ZNF407: variants seen among roughly 807,000 people sequenced by gnomAD.
The protein encoded by ZNF407 is zinc finger protein 407.
In ZNF407, 17 loss-of-function variants were observed where a neutral mutation model predicts 131.2. That is an observed-to-expected ratio of 0.13 (90% confidence interval 0.09 to 0.19). The LOEUF (loss-of-function observed/expected upper bound fraction) is 0.19. Among genes scored for constraint, ZNF407 ranks in the 10% least tolerant of loss-of-function variants. ZNF407 has a pLI of 1.00. For missense variants in ZNF407, 2,681 were observed against 2,830.6 expected (o/e 0.95, Z 1.20); for synonymous variants, 1,156 against 1,062.0 (o/e 1.09, Z -1.72).
chr18:74,890,543 A>G (rs1025476586), intron 7 of ZNF407, among the ~76,000 whole-genome samples: 8 of 152,174 alleles, frequency 5.3e-5, no homozygotes, highest in African/African-American at 1.7e-4. Context: ...TTATCTTACA[A>G]CTGCTTTTCC....
intron 4 of ZNF407, among the ~76,000 whole-genome samples, chr18:74,833,565 A>G (rs1368546465): frequency 6.6e-6 from 1 of 152,218 alleles, no homozygotes; most frequent in Admixed American, 6.5e-5. Flanking sequence ...TTCCAGGCAC[A>G]GAAAGCAGAC....
At chr18:74,791,990 G>A (rs8086029) in intron 4 of ZNF407, among the ~76,000 whole-genome samples, 143,503 of 152,216 alleles carry the variant, frequency 0.94, 68,185 homozygotes, top group East Asian at 1. Context: ...GTTTTATGGA[G>A]CTTTATATGG....
chr18:74,994,108 G>A (rs952346020), intron 8 of ZNF407, among the ~76,000 whole-genome samples: 1 of 152,164 alleles, frequency 6.6e-6, no homozygotes, highest in Non-Finnish European at 1.5e-5. Flanking sequence ...GAATATTAGT[G>A]TATCATTTTT....
chr18:74,647,385 A>G (rs189381753), intron 3 of ZNF407, among the ~76,000 whole-genome samples: 11 of 152,290 alleles, frequency 7.2e-5, no homozygotes, highest in Admixed American at 2.0e-4. Flanking sequence ...TTGAGGCTAC[A>G]GTGAGCTATG....
intron 1 of ZNF407, among the ~76,000 whole-genome samples, chr18:74,628,421 C>G (rs138406649): frequency 2.0e-5 from 3 of 152,190 alleles, no homozygotes; most frequent in Non-Finnish European, 4.4e-5. Context: ...TACCCGCAGC[C>G]CTGAGAAACC....
intron 3 of ZNF407, among the ~76,000 whole-genome samples, chr18:74,669,216 C>T (rs948151238): frequency 2.0e-5 from 3 of 152,220 alleles, no homozygotes; most frequent in Non-Finnish European, 2.9e-5. Flanking sequence ...ACAGGTTTCT[C>T]ATTGGCTTTG....
At chr18:74,763,645 T>C (rs1328014438) in intron 3 of ZNF407, among the ~76,000 whole-genome samples, 1 of 151,852 alleles carries the variant, frequency 6.6e-6, no homozygotes, top group Non-Finnish European at 1.5e-5. Context: ...TAACATTTTT[T>C]TGTAGTCTTC....
intron 8 of ZNF407, among the ~76,000 whole-genome samples, chr18:75,045,917 T>C (rs1241737624): frequency 6.6e-6 from 1 of 152,222 alleles, no homozygotes; most frequent in African/African-American, 2.4e-5. Flanking sequence ...TGTTCTATTA[T>C]ATTTGTGTCA....
intron 1 of ZNF407, among the ~76,000 whole-genome samples, chr18:74,607,157 G>A (rs1982843082): frequency 6.6e-6 from 1 of 152,214 alleles, no homozygotes; most frequent in Non-Finnish European, 1.5e-5. Flanking sequence ...CTCCATTGGT[G>A]GTTCTCAATC....
At chr18:75,032,086 A>G (rs1207070543) in intron 8 of ZNF407, among the ~76,000 whole-genome samples, 2 of 152,208 alleles carry the variant, frequency 1.3e-5, no homozygotes, top group Non-Finnish European at 2.9e-5. Flanking sequence ...GACCAGCGGA[A>G]TCACACTCTA....
intron 3 of ZNF407, among the ~76,000 whole-genome samples, chr18:74,709,797 G>A (rs867419797): frequency 1.4e-4 from 22 of 152,284 alleles, no homozygotes; most frequent in South Asian, 1.0e-3. Flanking sequence ...AAAAGGGAAT[G>A]AACAGATATA....
chr18:74,883,748 G>A (rs182893984), intron 6 of ZNF407, among the ~76,000 whole-genome samples: 9 of 152,334 alleles, frequency 5.9e-5, no homozygotes, highest in Admixed American at 5.2e-4. Flanking sequence ...GCACTATGAC[G>A]ACAGCCCTTC....
chr18:74,921,227 C>T (rs910632339), intron 8 of ZNF407, among the ~76,000 whole-genome samples: 4 of 152,042 alleles, frequency 2.6e-5, no homozygotes, highest in South Asian at 2.1e-4. Context: ...GTGATGGGAG[C>T]GGCTGCTAAG....
At chr18:75,002,804 CAAAA>C (rs11337117) in intron 8 of ZNF407, among the ~76,000 whole-genome samples, 14 of 109,932 alleles carry the variant, frequency 1.3e-4, no homozygotes, top group Middle Eastern at 4.2e-3. Flanking sequence ...GACTCCGGCT[CAAAA>C]AAAAAAAAAA....
At chr18:74,716,116 A>G (rs1967888241) in intron 3 of ZNF407, among the ~76,000 whole-genome samples, 1 of 152,172 alleles carries the variant, frequency 6.6e-6, no homozygotes, top group Admixed American at 6.5e-5. Flanking sequence ...TTTCAAATAG[A>G]TATTTTGCTG....
At chr18:74,603,686 G>A (rs1982679231) in intron 1 of ZNF407, among the ~76,000 whole-genome samples, 1 of 152,138 alleles carries the variant, frequency 6.6e-6, no homozygotes, top group Non-Finnish European at 1.5e-5. Flanking sequence ...TTATTCTTAA[G>A]CATTTTTGTT....
At chr18:74,613,513 G>A (rs551664408) in intron 1 of ZNF407, among the ~76,000 whole-genome samples, 1 of 152,336 alleles carries the variant, frequency 6.6e-6, no homozygotes, top group East Asian at 1.9e-4. Context: ...GTAATGTCAT[G>A]CTTTCTAGTA....
chr18:75,001,298 T>A (rs939102763), intron 8 of ZNF407, among the ~76,000 whole-genome samples: 1 of 152,214 alleles, frequency 6.6e-6, no homozygotes, highest in Middle Eastern at 3.2e-3. Context: ...ATAAATAGAA[T>A]GATATCTTTT....
chr18:74,926,295 A>G (rs1173900960), intron 8 of ZNF407, among the ~76,000 whole-genome samples: 3 of 152,174 alleles, frequency 2.0e-5, no homozygotes, highest in Non-Finnish European at 4.4e-5. Flanking sequence ...TACATACTTC[A>G]TAATCTATGA....
Sources: allele counts gnomAD v4.1 joint callset (sites outside exome capture counted in the v4.1 genomes callset), GRCh38; gene constraint gnomAD v4.1.1; transcripts MANE v1.5; gene names NCBI Gene and HGNC (gene_info 2026-07-23, HGNC 2026-07-21).